The following SESTD1 variants were observed in gnomAD, a reference collection of about 807,000 sequenced individuals.
SESTD1 encodes the protein SEC14 domain and spectrin repeat-containing protein 1.
In SESTD1, 43 loss-of-function variants were observed where a neutral mutation model predicts 101.7. The observed-to-expected ratio is 0.42, with a 90% CI of 0.33 to 0.55. The LOEUF (loss-of-function observed/expected upper bound fraction) is 0.55. Among genes scored for constraint, SESTD1 ranks in the 20% least tolerant of loss-of-function variants. The pLI, the probability that SESTD1 is intolerant of heterozygous loss-of-function variation, is 0.07. For missense variants in SESTD1, 647 were observed against 815.1 expected (o/e 0.79, Z 2.51); for synonymous variants, 283 against 286.8 (o/e 0.99, Z 0.13).
intron 7 of SESTD1, among the ~76,000 whole-genome samples, chr2:179,148,147 C>G (rs2045437158): frequency 6.6e-6 from 1 of 152,174 alleles, no homozygotes; most frequent in Non-Finnish European, 1.5e-5. Flanking sequence ...AAACTATGAT[C>G]TTACACTTGA....
chr2:179,120,711 A>ATAGT (rs10683434), intron 13 of SESTD1, among the ~76,000 whole-genome samples: 12,703 of 152,170 alleles, frequency 0.083, 1,732 homozygotes, highest in African/African-American at 0.29. Context: ...ACTGAATGAA[A>ATAGT]TAGTTAGGGT....
chr2:179,117,977 T>C (rs2044670868), intron 13 of SESTD1, among the ~76,000 whole-genome samples: 1 of 152,064 alleles, frequency 6.6e-6, no homozygotes, highest in Non-Finnish European at 1.5e-5. Flanking sequence ...AAATACAGGA[T>C]GATATTTTTT....
At chr2:179,233,908 G>T (rs1322569724) in intron 1 of SESTD1, among the ~76,000 whole-genome samples, 1 of 152,126 alleles carries the variant, frequency 6.6e-6, no homozygotes, top group Non-Finnish European at 1.5e-5. Context: ...TGTACACTTG[G>T]GGGGCTCTGA....
At chr2:179,157,291 A>G (rs2045650709) in intron 5 of SESTD1, among the ~76,000 whole-genome samples, 1 of 152,310 alleles carries the variant, frequency 6.6e-6, no homozygotes, top group South Asian at 2.1e-4. Context: ...AAATGCCCAT[A>G]CTGCCAAAAG....
At chr2:179,188,525 C>G (rs2046270344) in intron 2 of SESTD1, among the ~76,000 whole-genome samples, 1 of 152,072 alleles carries the variant, frequency 6.6e-6, no homozygotes, top group Non-Finnish European at 1.5e-5. Flanking sequence ...GTAGTCTCAG[C>G]TAATTGTCAG....
In SESTD1 at chr2:179,230,113, CTTTTTTTTTTTTTTTTTTTTTT is replaced by C. The variant is rs71023474; in HGVS notation, c.-26+34364_-26+34385del. Among the ~76,000 whole-genome samples the C allele has an allele frequency of 2.3e-4, 13 of 56,418 alleles. 1 individual carries two copies. The highest frequency in any genetic ancestry group is 6.4e-4 in the South Asian group (1 of 1,552). The allele number at this position is 56,418 out of a possible 152,430, so 37.0% of individuals were successfully genotyped here. On this transcript the variant is annotated intron_variant, in intron 1 of 17. Transcript: ENST00000428443. ...AAATATTCCAAACTGGATTGTATCT[CTTTTTTTTTTTTTTTTTTTTTT>C]TTTTTTTTTTTTTTTTGAGACAGGG...
chr2:179,143,861 C>T (rs2045337947), intron 8 of SESTD1, 58 bp from the exon 9 acceptor site: 1 of 1,550,614 alleles, frequency 6.4e-7, no homozygotes, highest in Non-Finnish European at 8.8e-7. Flanking sequence ...ATTCTCACTT[C>T]TCAATATTCC....
chr2:179,174,498 C>T (rs1430948132), intron 4 of SESTD1: 2 of 457,374 alleles, frequency 4.4e-6, no homozygotes, highest in Non-Finnish European at 9.0e-6. Context: ...AGGAAGAACA[C>T]AAGGTCATAA....
chr2:179,172,666 C>T (rs1455620131), intron 4 of SESTD1, among the ~76,000 whole-genome samples: 1 of 152,094 alleles, frequency 6.6e-6, no homozygotes, highest in African/African-American at 2.4e-5. Context: ...TTTTATCAGT[C>T]ATTATACAAT....
chr2:179,199,655 A>G lies in SESTD1; in HGVS notation c.-25-7789T>C, dbSNP rs1439786210. On this transcript the variant is annotated intron_variant, in intron 1 of 17. Coordinates refer to ENST00000428443, the MANE Select transcript of SESTD1 (RefSeq NM_178123.5). ...GGGATGCAAGGCTGGTTCAATATACACAAATCAATAAATGTAATCCAGCAT... is the reference window on the plus strand; with the variant it reads ...GGGATGCAAGGCTGGTTCAATATACGCAAATCAATAAATGTAATCCAGCAT... Among the ~76,000 whole-genome samples, 8 of 152,210 alleles carry G rather than the reference A, an allele frequency of 5.3e-5. No individual in the cohort carries two copies. In the South Asian group the frequency reaches 6.2e-4, roughly 12 times the overall value.
chr2:179,172,095 CT>C lies in SESTD1; in HGVS notation c.369+24del, dbSNP rs756412180. ...ATACTATTTTTAAAGATATAATGGA[CT>C]TTAAAAAAAGAGATTACATTTACCT... is the stretch of plus-strand genomic sequence containing the variant. On this transcript the variant is annotated intron_variant, in intron 5 of 17. Transcript: ENST00000428443. 6.3e-6 allele frequency: 9 copies of C among 1,422,322 alleles called. No individual in the cohort carries two copies. The African/African-American group carries it at 1.1e-4, about 18-fold the overall frequency. 88.1% of individuals were successfully genotyped at this position (1,422,322 alleles called of 1,614,324 possible).
intron 9 of SESTD1, among the ~76,000 whole-genome samples, chr2:179,141,182 A>G (rs1038992480): frequency 7.9e-5 from 12 of 152,198 alleles, no homozygotes; most frequent in African/African-American, 2.9e-4. Flanking sequence ...CTCAAACTTA[A>G]CAAGTCTGAA....
chr2:179,252,535 A>C (rs1574069527), intron 1 of SESTD1, among the ~76,000 whole-genome samples: 2 of 152,194 alleles, frequency 1.3e-5, no homozygotes. Flanking sequence ...TCAGGAGTCC[A>C]CCATCTTCCA....
Position 179,172,097 on chromosome 2 carries a change from T to A in SESTD1, c.369+23A>T, listed in dbSNP as rs768821377. 2.1e-6 allele frequency: 3 copies of A among 1,448,120 alleles called. No individual in the cohort carries two copies. The South Asian group carries it at 3.5e-5, about 17-fold the overall frequency. 89.7% of individuals were successfully genotyped at this position (1,448,120 alleles called of 1,614,324 possible). A position where few individuals can be genotyped will look rare whatever the true frequency, so the allele number is the denominator to read the frequency against. On this transcript the variant is annotated intron_variant, in intron 5 of 17. Coordinates refer to ENST00000428443, the MANE Select transcript of SESTD1 (RefSeq NM_178123.5). ...ACTATTTTTAAAGATATAATGGACT[T>A]TAAAAAAAGAGATTACATTTACCTC...
At chr2:179,139,689 C>T (rs1285843926) in intron 9 of SESTD1, among the ~76,000 whole-genome samples, 2 of 152,126 alleles carry the variant, frequency 1.3e-5, no homozygotes, top group Non-Finnish European at 2.9e-5. Context: ...ACCCCACTGA[C>T]TCACCTGGTC....
intron 1 of SESTD1, among the ~76,000 whole-genome samples, chr2:179,242,138 T>C (rs1197278302): frequency 1.3e-5 from 2 of 152,078 alleles, no homozygotes; most frequent in Admixed American, 6.6e-5. Flanking sequence ...ACAAAATCAA[T>C]GTACAAAAAT....
At chr2:179,221,056 A>T (rs1362006151) in intron 1 of SESTD1, among the ~76,000 whole-genome samples, 1 of 152,216 alleles carries the variant, frequency 6.6e-6, no homozygotes, top group Non-Finnish European at 1.5e-5. Context: ...ACTTTTGTTC[A>T]AATGAAATAA....
intron 1 of SESTD1, among the ~76,000 whole-genome samples, chr2:179,214,025 C>T (rs1054251996): frequency 1.5e-5 from 2 of 135,076 alleles, no homozygotes; most frequent in Admixed American, 7.2e-5. Flanking sequence ...ACTGCAAAAA[C>T]GTGCCAATGT....
intron 1 of SESTD1, among the ~76,000 whole-genome samples, chr2:179,220,692 A>G (rs188168824): frequency 1.3e-5 from 2 of 152,270 alleles, no homozygotes; most frequent in African/African-American, 2.4e-5. Flanking sequence ...TACAGCCACA[A>G]TAACTTCACA....
Sources: allele counts gnomAD v4.1 joint callset (sites outside exome capture counted in the v4.1 genomes callset), GRCh38; gene constraint gnomAD v4.1.1; transcripts MANE v1.5; gene names NCBI Gene and HGNC (gene_info 2026-07-23, HGNC 2026-07-21).